Variants in CNTN4 observed in about 807,000 individuals in gnomAD.
CNTN4 encodes contactin 4, also known as contactin-4.
CNTN4 carries 77 observed loss-of-function variants against 122.5 expected under a neutral mutation model. The observed-to-expected ratio is 0.63, with a 90% CI of 0.52 to 0.76. The LOEUF (loss-of-function observed/expected upper bound fraction) is 0.76, where lower values mean the gene tolerates loss of function less well. Ranked by LOEUF, CNTN4 falls within the 30% of genes least tolerant of loss-of-function variation. The probability of loss-of-function intolerance (pLI) is 0.00; values close to 1 mark genes in which losing one functional copy is unlikely to be tolerated. For synonymous variants in CNTN4, 512 were observed against 447.0 expected (o/e 1.15, Z -1.83); for missense variants, 1,256 against 1,259.1 (o/e 1.00, Z 0.04).
chr3:2,882,039 G>A (rs1477392001), intron 8 of CNTN4, among the ~76,000 whole-genome samples: 5 of 152,172 alleles, frequency 3.3e-5, no homozygotes, highest in African/African-American at 2.4e-5. Flanking sequence ...TAGAGCAGTG[G>A]CAAATTGAGT....
intron 3 of CNTN4, among the ~76,000 whole-genome samples, chr3:2,410,433 C>T (rs373368283): frequency 6.6e-6 from 1 of 152,316 alleles, no homozygotes; most frequent in East Asian, 1.9e-4. Context: ...GTCCACTTTA[C>T]CACATCAGGC....
intron 3 of CNTN4, among the ~76,000 whole-genome samples, chr3:2,396,258 C>G (rs149543462): frequency 9.9e-5 from 15 of 152,084 alleles, no homozygotes; most frequent in Admixed American, 8.5e-4. Context: ...CTCCTGGGCT[C>G]GAGCCATCTG....
rs138169873 is a variant in CNTN4 at position 2,809,233 on chromosome 3, G to C, written c.359-10253G>C. Among the ~76,000 whole-genome samples, 9 of 152,332 alleles carry C rather than the reference G, an allele frequency of 5.9e-5. No individual in the cohort carries two copies. The East Asian group carries it at 1.7e-3, about 29-fold the overall frequency. ...GAGTAACTGGAGTCAGGTCACGGTT[G>C]ACTTTACTTAAGCCCTCAGGTAATG... is the stretch of plus-strand genomic sequence containing the variant. On this transcript the variant is annotated intron_variant, in intron 6 of 24. Coordinates refer to ENST00000418658, the MANE Select transcript of CNTN4 (RefSeq NM_175607.3).
intron 3 of CNTN4, among the ~76,000 whole-genome samples, chr3:2,510,358 CTGTT>C (rs1044784190): frequency 7.1e-5 from 7 of 99,258 alleles, no homozygotes; most frequent in Non-Finnish European, 1.1e-4. Flanking sequence ...TGTAGATCAC[CTGTT>C]TGTTTGTTTG....
chr3:2,168,949 C>G (rs539388668), intron 2 of CNTN4, among the ~76,000 whole-genome samples: 1 of 152,240 alleles, frequency 6.6e-6, no homozygotes, highest in South Asian at 2.1e-4. Flanking sequence ...CTGCAAAATA[C>G]ACAGATTCAG....
intron 8 of CNTN4, among the ~76,000 whole-genome samples, chr3:2,881,031 C>T (rs2093903120): frequency 6.6e-6 from 1 of 152,008 alleles, no homozygotes; most frequent in African/African-American, 2.4e-5. Context: ...CACTCCTCAT[C>T]ATTCCAGGAA....
At chr3:2,222,254 C>A (rs1240334071) in intron 2 of CNTN4, among the ~76,000 whole-genome samples, 1 of 152,196 alleles carries the variant, frequency 6.6e-6, no homozygotes, top group South Asian at 2.1e-4. Context: ...AATGGATAAA[C>A]CTTGGAAACA....
intron 4 of CNTN4, among the ~76,000 whole-genome samples, chr3:2,610,766 C>T (rs2081447484): frequency 6.6e-6 from 1 of 152,048 alleles, no homozygotes; most frequent in Non-Finnish European, 1.5e-5. Context: ...TACAGCCAAG[C>T]AAGAAGGCAG....
At chr3:2,268,163 G>T (rs1575216173) in intron 2 of CNTN4, among the ~76,000 whole-genome samples, 1 of 152,076 alleles carries the variant, frequency 6.6e-6, no homozygotes, top group South Asian at 2.1e-4. Flanking sequence ...TTGCATAGCT[G>T]TTCGATGATA....
At chr3:3,012,085 G>A (rs1291875883) in intron 14 of CNTN4, among the ~76,000 whole-genome samples, 1 of 152,148 alleles carries the variant, frequency 6.6e-6, no homozygotes, top group African/African-American at 2.4e-5. Context: ...TTTGCATCCA[G>A]ATTTTTCTGA....
chr3:2,643,525 A>G (rs543516802), intron 4 of CNTN4, among the ~76,000 whole-genome samples: 4 of 152,262 alleles, frequency 2.6e-5, no homozygotes, highest in Admixed American at 6.5e-5. Context: ...GTGCATGTCC[A>G]TCTTCTGCAT....
rs1257134745 is a variant in CNTN4, at chr3:2,894,060, T to G, written c.941-6625T>G. 2.0e-5 allele frequency among the ~76,000 whole-genome samples: 3 copies of G among 152,170 alleles called. No individual in the cohort carries two copies. In the East Asian group the frequency reaches 5.8e-4, roughly 29 times the overall value. On this transcript the variant is annotated intron_variant, in intron 10 of 24. Coordinates refer to ENST00000418658, the MANE Select transcript of CNTN4 (RefSeq NM_175607.3). Reference sequence around the variant, plus strand: ...TTAGAAATAATTAACATAAGAAAACTGACTATATTTTTCCAAATAAAAATA... The same window carrying G: ...TTAGAAATAATTAACATAAGAAAACGGACTATATTTTTCCAAATAAAAATA...
chr3:2,362,627 G>A (rs1166750191), intron 3 of CNTN4: 2 of 462,864 alleles, frequency 4.3e-6, no homozygotes, highest in East Asian at 5.4e-5. Flanking sequence ...CAAGGGCTGA[G>A]GGCCTAGGAG....
intron 7 of CNTN4, among the ~76,000 whole-genome samples, chr3:2,842,199 G>C (rs2093374018): frequency 6.6e-6 from 1 of 152,162 alleles, no homozygotes; most frequent in South Asian, 2.1e-4. Context: ...GGTTGCAGCA[G>C]AACAGGGCTG....
chr3:2,142,288 G>C (rs1458608244), intron 2 of CNTN4, among the ~76,000 whole-genome samples: 1 of 152,056 alleles, frequency 6.6e-6, no homozygotes, highest in Non-Finnish European at 1.5e-5. Context: ...AAATATACCA[G>C]CTTTCTGGTT....
At chr3:3,013,968 G>A (rs1470003884) in intron 14 of CNTN4, among the ~76,000 whole-genome samples, 4 of 151,492 alleles carry the variant, frequency 2.6e-5, no homozygotes, top group African/African-American at 9.7e-5. Flanking sequence ...TGAGCTATTA[G>A]ATTCTAATGG....
chr3:2,670,694 G>T (rs1327797384), intron 4 of CNTN4, among the ~76,000 whole-genome samples: 2 of 152,156 alleles, frequency 1.3e-5, no homozygotes, highest in African/African-American at 2.4e-5. Flanking sequence ...AGCCTCGATG[G>T]TCTTTACAAT....
intron 7 of CNTN4, among the ~76,000 whole-genome samples, chr3:2,842,333 T>G (rs2093376961): frequency 6.6e-6 from 1 of 152,202 alleles, no homozygotes; most frequent in Non-Finnish European, 1.5e-5. Context: ...ACACAAAATC[T>G]TCCAGGGCTC....
intron 3 of CNTN4, among the ~76,000 whole-genome samples, chr3:2,399,896 A>G (rs2046777216): frequency 6.6e-6 from 1 of 152,100 alleles, no homozygotes; most frequent in African/African-American, 2.4e-5. Flanking sequence ...GTGGAAATCT[A>G]CTTGTAAAGA....
Sources: gnomAD v4.1 joint callset for allele counts (sites outside exome capture counted in the v4.1 genomes callset) on GRCh38, gnomAD v4.1.1 for gene constraint, MANE v1.5 for transcripts, NCBI Gene and HGNC (gene_info 2026-07-23, HGNC 2026-07-21) for gene names.